The following DNAH9 variants were observed in gnomAD, a reference collection of about 807,000 sequenced individuals.
DNAH9 encodes DNAH9 variant protein.
DNAH9 carries 345 observed loss-of-function variants against 471.6 expected under a neutral mutation model. That is an observed-to-expected ratio of 0.73 (90% CI 0.67 to 0.80). DNAH9 has a LOEUF of 0.80. Ranked by LOEUF, DNAH9 falls within the 30% of genes least tolerant of loss-of-function variation. The pLI is 0.00. For synonymous variants in DNAH9, 2,093 were observed against 2,123.6 expected, an observed-to-expected ratio of 0.99 and a Z score of 0.40; for missense variants, 5,407 against 5,609.2, an observed-to-expected ratio of 0.96 and a Z score of 1.15.
chr17:11,608,708 C>T (rs2150636574), intron 2 of DNAH9, among the ~76,000 whole-genome samples: 1 of 152,322 alleles, frequency 6.6e-6, no homozygotes, highest in Non-Finnish European at 1.5e-5. Context: ...TTACTCAGTA[C>T]ATAATGTCAC....
At chr17:11,818,071 C>A (rs1167141282) in intron 45 of DNAH9, among the ~76,000 whole-genome samples, 1 of 152,170 alleles carries the variant, frequency 6.6e-6, no homozygotes. Context: ...CACAATTACT[C>A]ACACTCTGAT....
At chr17:11,879,283 C>T (rs913829905) in intron 53 of DNAH9, among the ~76,000 whole-genome samples, 4 of 151,960 alleles carry the variant, frequency 2.6e-5, no homozygotes, top group Non-Finnish European at 4.4e-5. Flanking sequence ...ATATGCTGTC[C>T]TTTAAGCCTT....
At chr17:11,723,816 C>T (rs928736529) in intron 27 of DNAH9, among the ~76,000 whole-genome samples, 9 of 151,990 alleles carry the variant, frequency 5.9e-5, no homozygotes, top group East Asian at 2.0e-4. Context: ...TACAGGCGCC[C>T]GCCACCACGC....
At chr17:11,957,557 T>A in intron 67 of DNAH9, among the ~76,000 whole-genome samples, 8 of 135,050 alleles carry the variant, frequency 5.9e-5, no homozygotes, top group African/African-American at 5.7e-5. Flanking sequence ...CTCATAGACC[T>A]CAGAATGGGA....
At chr17:11,791,889 A>G (rs1168596251) in intron 41 of DNAH9, among the ~76,000 whole-genome samples, 1 of 152,126 alleles carries the variant, frequency 6.6e-6, no homozygotes, top group East Asian at 1.9e-4. Context: ...ATGGCAAGCA[A>G]AGCAAAAGGC....
At chr17:11,872,289 T>C (rs558353773) in intron 52 of DNAH9, among the ~76,000 whole-genome samples, 5 of 152,082 alleles carry the variant, frequency 3.3e-5, no homozygotes, top group Admixed American at 1.3e-4. Flanking sequence ...CTCACATGCT[T>C]CTTATTTGGG....
intron 62 of DNAH9, among the ~76,000 whole-genome samples, chr17:11,924,766 G>A (rs972365667): frequency 2.6e-5 from 4 of 151,864 alleles, no homozygotes; most frequent in East Asian, 1.9e-4. Context: ...TGGGATTACA[G>A]GAGCGTACCA....
In DNAH9 at chr17:11,611,881, G is replaced by A. The variant is rs772787203; in HGVS notation, c.904+101G>A. Reference sequence around the variant, plus strand: ...CTGAATTCCGCAACTTCAAGTCCTTGTAAATTTCCGACCCGACACAAACTA... The same window carrying A: ...CTGAATTCCGCAACTTCAAGTCCTTATAAATTTCCGACCCGACACAAACTA... On this transcript the variant is annotated intron_variant, in intron 4 of 68. Transcript: ENST00000262442. The A allele has an allele frequency of 7.5e-6, 9 of 1,195,106 alleles. No homozygotes were observed. The African/African-American group carries it at 1.2e-4, about 16-fold the overall frequency. The allele number at this position is 1,195,106 out of a possible 1,614,324, so 74.0% of individuals were successfully genotyped here.
chr17:11,725,472 G>T (rs1338650927), intron 27 of DNAH9, among the ~76,000 whole-genome samples: 1 of 152,196 alleles, frequency 6.6e-6, no homozygotes, highest in Non-Finnish European at 1.5e-5. Flanking sequence ...CTGGCACATA[G>T]TATATGCTCA....
intron 53 of DNAH9, among the ~76,000 whole-genome samples, chr17:11,877,309 C>T (rs2150991234): frequency 6.6e-6 from 1 of 151,102 alleles, no homozygotes; most frequent in South Asian, 2.1e-4. Context: ...CCCATCTCTA[C>T]TAAAAATACA....
intron 62 of DNAH9, among the ~76,000 whole-genome samples, chr17:11,926,426 G>C (rs369361177): frequency 6.6e-6 from 1 of 151,980 alleles, no homozygotes; most frequent in African/African-American, 2.4e-5. Flanking sequence ...TCCACAACAG[G>C]CCTCAGTGTG....
intron 12 of DNAH9, among the ~76,000 whole-genome samples, chr17:11,650,532 AG>A (rs1597434131): frequency 4.6e-5 from 7 of 152,350 alleles, no homozygotes; most frequent in South Asian, 4.1e-4. Context: ...GAGTTACAGA[AG>A]TTGTGGGATA....
At chr17:11,690,593 C>A (rs896962379) in intron 20 of DNAH9, among the ~76,000 whole-genome samples, 157 bp downstream of exon 20, 2 of 151,548 alleles carry the variant, frequency 1.3e-5, no homozygotes, top group Non-Finnish European at 2.9e-5. Flanking sequence ...TACCTGCCAC[C>A]AAAAGTTAGG....
At chr17:11,724,105 A>G (rs2075111631) in intron 27 of DNAH9, among the ~76,000 whole-genome samples, 1 of 152,208 alleles carries the variant, frequency 6.6e-6, no homozygotes, top group Non-Finnish European at 1.5e-5. Flanking sequence ...ATAATTATGA[A>G]TATCATTATA....
At chr17:11,800,920 A>G (rs1016885924) in intron 43 of DNAH9, among the ~76,000 whole-genome samples, 1 of 152,196 alleles carries the variant, frequency 6.6e-6, no homozygotes, top group East Asian at 1.9e-4. Flanking sequence ...ATGCAGAGGA[A>G]AACAGAGAGG....
intron 68 of DNAH9, among the ~76,000 whole-genome samples, chr17:11,967,150 A>C (rs1391671798): frequency 3.3e-5 from 5 of 151,690 alleles, no homozygotes; most frequent in Non-Finnish European, 7.4e-5. Flanking sequence ...TTTGCCACCC[A>C]GGCGGGAGTG....
rs1476357840 is a variant in DNAH9, at chr17:11,905,751, T to G, written c.11691T>G (p.Thr3897=). The change falls in exon 61 of 69, where the codon ACT becomes ACG. Residue 3897 remains threonine, a synonymous_variant. Transcript: ENST00000262442. ...ATSFEESGPA[T]PMFFILSPGV... is the part of the protein sequence containing the mutation. ...CATTTGAAGAATCGGGACCAGCCACTCCTATGTTTTTCATCCTGTCTCCAG... is the reference window on the plus strand; with the variant it reads ...CATTTGAAGAATCGGGACCAGCCACGCCTATGTTTTTCATCCTGTCTCCAG... The G allele has an allele frequency of 1.2e-6, 2 of 1,614,180 alleles. No individual in the cohort carries two copies. Among genetic ancestry groups the G allele is most frequent in the Admixed American group, 3.3e-5 (2 of 60,022 alleles).
At chr17:11,927,010 G>C (rs1035870439) in intron 62 of DNAH9, among the ~76,000 whole-genome samples, 1 of 152,194 alleles carries the variant, frequency 6.6e-6, no homozygotes, top group African/African-American at 2.4e-5. Context: ...AATGATCAAC[G>C]ATGTTGAGCT....
chr17:11,852,954 G>T (rs1971485080), intron 49 of DNAH9, among the ~76,000 whole-genome samples: 1 of 147,262 alleles, frequency 6.8e-6, no homozygotes, highest in African/African-American at 2.5e-5. Flanking sequence ...TTTAATATAA[G>T]ATATATCTTA....
Sources: allele counts gnomAD v4.1 joint callset (sites outside exome capture counted in the v4.1 genomes callset), GRCh38; gene constraint gnomAD v4.1.1; transcripts MANE v1.5; gene names NCBI Gene and HGNC (gene_info 2026-07-23, HGNC 2026-07-21).